Variants in MAST4 observed in about 807,000 individuals in gnomAD.
The protein encoded by MAST4 is microtubule-associated serine/threonine-protein kinase 4.
Under a neutral mutation model 162.7 loss-of-function variants are expected in MAST4, and 89 were observed. The observed-to-expected ratio is 0.55, with a 90% CI of 0.46 to 0.65. The LOEUF (loss-of-function observed/expected upper bound fraction) is 0.65. MAST4 is among the 30% of genes least tolerant of loss of function. The probability of loss-of-function intolerance (pLI) is 0.00; values close to 1 mark genes in which losing one functional copy is unlikely to be tolerated. For synonymous variants in MAST4, 1,479 were observed against 1,361.1 expected (o/e 1.09, Z -1.91); for missense variants, 3,153 against 3,374.0 (o/e 0.93, Z 1.62).
intron 4 of MAST4, chr5:66,902,579 T>C (rs1280145555): frequency 3.1e-6 from 1 of 325,898 alleles, no homozygotes; most frequent in Non-Finnish European, 6.3e-6. Flanking sequence ...TCCCCACTAA[T>C]TTATTATTTA....
intron 4 of MAST4, among the ~76,000 whole-genome samples, chr5:67,035,673 T>C (rs1755927863): frequency 6.6e-6 from 1 of 152,134 alleles, no homozygotes; most frequent in Non-Finnish European, 1.5e-5. Flanking sequence ...TAACTGGCAC[T>C]TACACAGTAA....
intron 3 of MAST4, among the ~76,000 whole-genome samples, chr5:66,854,892 G>C (rs1759563146): frequency 6.6e-6 from 1 of 152,000 alleles, no homozygotes; most frequent in Admixed American, 6.6e-5. Context: ...TCAGTGCTCT[G>C]GTATATTTTG....
At chr5:66,606,031 A>G (rs1304195817) in intron 1 of MAST4, among the ~76,000 whole-genome samples, 1 of 152,170 alleles carries the variant, frequency 6.6e-6, no homozygotes, top group Non-Finnish European at 1.5e-5. Flanking sequence ...ATATCATTTT[A>G]TATTCTTTTA....
intron 3 of MAST4, among the ~76,000 whole-genome samples, chr5:66,822,642 T>G (rs1343446317): frequency 6.6e-6 from 1 of 152,130 alleles, no homozygotes; most frequent in Non-Finnish European, 1.5e-5. Context: ...TAGTTTCCCC[T>G]CTAAAGTAGC....
chr5:66,675,984 A>G (rs995760664), intron 1 of MAST4, among the ~76,000 whole-genome samples: 2 of 152,236 alleles, frequency 1.3e-5, no homozygotes, highest in African/African-American at 4.8e-5. Flanking sequence ...AGTGGGAATC[A>G]CGTGTGTCCA....
chr5:66,961,725 G>T (rs1373319928), intron 4 of MAST4, among the ~76,000 whole-genome samples: 5 of 152,166 alleles, frequency 3.3e-5, no homozygotes, highest in Non-Finnish European at 7.3e-5. Context: ...GACTGGGAAT[G>T]GTGTTAGTGC....
At chr5:67,131,975 G>A in intron 16 of MAST4, 24 bp downstream of exon 16, 1 of 1,601,986 alleles carries the variant, frequency 6.2e-7, no homozygotes, top group Non-Finnish European at 8.5e-7. Flanking sequence ...TGAAATATAT[G>A]TCTTCTTTTG....
At chr5:67,012,100 ATTC>A (rs1333241047) in intron 4 of MAST4, among the ~76,000 whole-genome samples, 1 of 152,150 alleles carries the variant, frequency 6.6e-6, no homozygotes, top group African/African-American at 2.4e-5. Flanking sequence ...AGAACATTAT[ATTC>A]TCTAATGGTT....
chr5:66,964,870 T>A (rs1017491057), intron 4 of MAST4, among the ~76,000 whole-genome samples: 1 of 152,206 alleles, frequency 6.6e-6, no homozygotes, highest in East Asian at 1.9e-4. Context: ...GCAACTTAAA[T>A]TTTTTTATGA....
chr5:66,914,108 CT>C (rs1172493416), intron 4 of MAST4, among the ~76,000 whole-genome samples: 1 of 151,564 alleles, frequency 6.6e-6, no homozygotes, highest in Non-Finnish European at 1.5e-5. Context: ...TTCTAGTTGC[CT>C]TAATTGTAGG....
At chr5:66,960,339 T>C (rs1051975484) in intron 4 of MAST4, among the ~76,000 whole-genome samples, 6 of 152,224 alleles carry the variant, frequency 3.9e-5, no homozygotes, top group South Asian at 2.1e-4. Flanking sequence ...TGCTCTAAAA[T>C]TGTGCCCTGA....
chr5:66,963,802 G>A (rs768401794), intron 4 of MAST4: 8 of 779,550 alleles, frequency 1.0e-5, no homozygotes, highest in South Asian at 8.0e-5. Flanking sequence ...GCATGCTCCA[G>A]GGCCTGCCCA....
rs1461963453 is a variant in MAST4, at chr5:66,715,735, A to G, written c.364-43974A>G. The stretch of plus-strand genomic sequence containing the variant: ...AGACTGGTTCAGGCCATGACAGGAA[A>G]AAAAAAAAAAAAAAATGGAGTGGAA... On this transcript the variant is annotated intron_variant, in intron 1 of 28. Coordinates refer to ENST00000403625, the MANE Select transcript of MAST4 (RefSeq NM_001164664.2). Among the ~76,000 whole-genome samples, 146 of 43,758 alleles carry G rather than the reference A, an allele frequency of 3.3e-3. 1 individual carries two copies. The African/African-American group carries it at 0.036, about 11-fold the overall frequency. 28.7% of individuals were successfully genotyped at this position (43,758 alleles called of 152,430 possible).
At chr5:67,049,061 G>GTATATA (rs139716277) in intron 4 of MAST4, among the ~76,000 whole-genome samples, 4,154 of 75,838 alleles carry the variant, frequency 0.055, 143 homozygotes, top group Non-Finnish European at 0.064. Flanking sequence ...ATATATATAC[G>GTATATA]TATATATATA....
intron 4 of MAST4, among the ~76,000 whole-genome samples, chr5:66,908,520 T>C (rs1344749546): frequency 6.6e-6 from 1 of 152,120 alleles, no homozygotes; most frequent in East Asian, 1.9e-4. Flanking sequence ...TTAATGTTCT[T>C]AGAGTTTCGG....
chr5:67,078,622 ATATATT>A (rs1341285650), intron 5 of MAST4, among the ~76,000 whole-genome samples: 71 of 142,404 alleles, frequency 5.0e-4, no homozygotes, highest in East Asian at 3.4e-3. Context: ...ATATATATTT[ATATATT>A]TATATTTATA....
chr5:66,679,076 C>T (rs1748152975), intron 1 of MAST4, among the ~76,000 whole-genome samples: 2 of 152,296 alleles, frequency 1.3e-5, no homozygotes, highest in Middle Eastern at 3.4e-3. Flanking sequence ...CAGGTGTAAG[C>T]CACTGCTGGT....
At chr5:66,686,682 T>A (rs1301437484) in intron 1 of MAST4, among the ~76,000 whole-genome samples, 2 of 152,182 alleles carry the variant, frequency 1.3e-5, no homozygotes, top group Admixed American at 6.5e-5. Flanking sequence ...CTGTCATTCT[T>A]CCCTGCCCTC....
chr5:66,636,789 G>A (rs1745150910), intron 1 of MAST4, among the ~76,000 whole-genome samples: 3 of 152,184 alleles, frequency 2.0e-5, no homozygotes, highest in Admixed American at 2.0e-4. Context: ...ATGAGCTGAA[G>A]GTGTGTCTGG....
Sources: allele counts gnomAD v4.1 joint callset (sites outside exome capture counted in the v4.1 genomes callset), GRCh38; gene constraint gnomAD v4.1.1; transcripts MANE v1.5; gene names NCBI Gene and HGNC (gene_info 2026-07-23, HGNC 2026-07-21).